IQCK: variants seen among roughly 807,000 people sequenced by gnomAD.
The protein encoded by IQCK is IQ domain-containing protein K.
IQCK carries 29 observed loss-of-function variants against 28.1 expected under a neutral mutation model. The observed-to-expected ratio is 1.03, with a 90% CI of 0.77 to 1.41. The LOEUF (loss-of-function observed/expected upper bound fraction) is 1.41, where lower values mean the gene tolerates loss of function less well. Ranked by LOEUF, IQCK falls within the 40% of genes most tolerant of loss-of-function variation. IQCK has a pLI of 0.00. For missense variants in IQCK, 359 were observed against 314.7 expected (o/e 1.14, Z -1.07); for synonymous variants, 113 against 115.1 (o/e 0.98, Z 0.12).
At chr16:19,749,778 A>G (rs7359363) in intron 4 of IQCK, among the ~76,000 whole-genome samples, 4,607 of 152,086 alleles carry the variant, frequency 0.03, 214 homozygotes, top group African/African-American at 0.1. Flanking sequence ...AAGGAAAAAA[A>G]AAAAAGAAAA....
chr16:19,815,595 C>T (rs113554632), intron 7 of IQCK, among the ~76,000 whole-genome samples: 8,323 of 152,158 alleles, frequency 0.055, 705 homozygotes, highest in African/African-American at 0.18. Flanking sequence ...CCCTTGAGCC[C>T]GGGAGTTTCA....
intron 7 of IQCK, among the ~76,000 whole-genome samples, chr16:19,818,065 A>G (rs777239072): frequency 5.3e-5 from 8 of 152,144 alleles, no homozygotes; most frequent in Non-Finnish European, 7.4e-5. Context: ...AGCCTGTGGG[A>G]AAGTTGGGGT....
intron 2 of IQCK, among the ~76,000 whole-genome samples, chr16:19,732,272 T>C (rs908457742): frequency 2.0e-5 from 3 of 152,216 alleles, no homozygotes; most frequent in African/African-American, 7.2e-5. Context: ...CACTGAAAAT[T>C]AACCATCACA....
chr16:19,742,850 A>G (rs1373010670), intron 4 of IQCK, among the ~76,000 whole-genome samples: 3 of 152,170 alleles, frequency 2.0e-5, no homozygotes, highest in African/African-American at 7.2e-5. Context: ...TATTTATTGG[A>G]TAAATGAATG....
At chr16:19,769,736 T>G (rs561306485) in intron 6 of IQCK, among the ~76,000 whole-genome samples, 7 of 152,224 alleles carry the variant, frequency 4.6e-5, no homozygotes, top group Non-Finnish European at 8.8e-5. Context: ...TAGGCTGTTT[T>G]GGAAAGATAA....
intron 4 of IQCK, among the ~76,000 whole-genome samples, chr16:19,744,346 G>A (rs113955161): frequency 3.4e-4 from 51 of 152,016 alleles, no homozygotes; most frequent in African/African-American, 1.2e-3. Flanking sequence ...GCCCAGGCTG[G>A]TCTCAAACTC....
intron 4 of IQCK, among the ~76,000 whole-genome samples, chr16:19,751,975 A>G (rs934949565): frequency 1.3e-5 from 2 of 152,200 alleles, no homozygotes; most frequent in Non-Finnish European, 2.9e-5. Flanking sequence ...CAGGAAATCA[A>G]CTGTGCAATT....
At chr16:19,819,185 A>G (rs1021892156) in intron 7 of IQCK, among the ~76,000 whole-genome samples, 2 of 152,074 alleles carry the variant, frequency 1.3e-5, no homozygotes, top group Admixed American at 1.3e-4. Flanking sequence ...TTTGCTACTT[A>G]TTCTTTTGTT....
chr16:19,841,242 C>G (rs1330442656), intron 9 of IQCK, among the ~76,000 whole-genome samples: 1 of 152,142 alleles, frequency 6.6e-6, no homozygotes, highest in Non-Finnish European at 1.5e-5. Flanking sequence ...GCTACGAAAC[C>G]TTTTCAAAAA....
rs530312170 is a variant in IQCK, at chr16:19,764,890, G to A, written c.605+778G>A. Reference sequence around the variant, plus strand: ...TTTTTTTTGTATTTTTATTAGAGACGGGGTTTCACCGTGTTGGCCGGGATG... The same window carrying A: ...TTTTTTTTGTATTTTTATTAGAGACAGGGTTTCACCGTGTTGGCCGGGATG... On this transcript the variant is annotated intron_variant, in intron 6 of 7. Transcript: ENST00000564186. 1.9e-3 allele frequency among the ~76,000 whole-genome samples: 263 copies of A among 138,980 alleles called. 4 individuals are homozygous for A. The highest frequency in any genetic ancestry group is 6.8e-3 in the African/African-American group (253 of 37,450). 91.2% of individuals were successfully genotyped at this position (138,980 alleles called of 152,430 possible).
At chr16:19,747,547 T>C (rs1023247724) in intron 4 of IQCK, among the ~76,000 whole-genome samples, 4 of 151,856 alleles carry the variant, frequency 2.6e-5, no homozygotes, top group Non-Finnish European at 4.4e-5. Flanking sequence ...ATTACATGCA[T>C]AGATTGCACA....
At chr16:19,840,305 A>C (rs894413338) in intron 9 of IQCK, among the ~76,000 whole-genome samples, 1 of 152,066 alleles carries the variant, frequency 6.6e-6, no homozygotes, top group Non-Finnish European at 1.5e-5. Flanking sequence ...GCAGTGAGCC[A>C]AGATCGCACC....
rs538704095 is a variant in IQCK, at chr16:19,819,971, G to A, written c.691-7055G>A. Among the ~76,000 whole-genome samples the A allele has an allele frequency of 1.6e-4, 24 of 152,032 alleles. No individual in the cohort carries two copies. In the East Asian group the frequency reaches 1.9e-3, roughly 12 times the overall value. On this transcript the variant is annotated intron_variant, in intron 7 of 7. Coordinates refer to ENST00000564186, the Ensembl canonical transcript of IQCK. The stretch of plus-strand genomic sequence containing the variant: ...GTCAATTGATTTTTGATAAGGGTGC[G>A]AAGACCATTCAGTGGGACAAAGAAT...
downstream of IQCK, among the ~76,000 whole-genome samples, chr16:19,828,977 A>T (rs1440689029): frequency 1.4e-5 from 2 of 143,914 alleles, no homozygotes; most frequent in Non-Finnish European, 3.0e-5. Flanking sequence ...TAAATATATA[A>T]TTATATATAT....
chr16:19,829,370 T>A (rs2056200143), downstream of IQCK, among the ~76,000 whole-genome samples: 1 of 150,538 alleles, frequency 6.6e-6, no homozygotes, highest in African/African-American at 2.4e-5. Context: ...AGAGTCTCGC[T>A]CTGTCACCCA....
At position 19,798,374 on chromosome 16, in the gene IQCK, T is replaced by C. The variant is rs1597568900; in HGVS notation, c.690+9452T>C. Among the ~76,000 whole-genome samples the C allele has an allele frequency of 2.5e-5, 3 of 120,056 alleles. No individual in the cohort carries two copies. In the South Asian group the frequency reaches 7.1e-4, roughly 28 times the overall value. 78.8% of individuals were successfully genotyped at this position (120,056 alleles called of 152,430 possible). ...AGGAAGTTTCAGTGAGCCGAGATCA[T>C]GCCATTGCACTCCAGCCTGGCGACA... is the stretch of plus-strand genomic sequence containing the variant. On this transcript the variant is annotated intron_variant, in intron 7 of 7. Coordinates refer to ENST00000564186, the Ensembl canonical transcript of IQCK.
intron 4 of IQCK, among the ~76,000 whole-genome samples, chr16:19,753,263 T>A (rs80051405): frequency 0.055 from 8,185 of 148,312 alleles, 679 homozygotes; most frequent in African/African-American, 0.19. Flanking sequence ...AAAAAAAAAA[T>A]TTTTGAAAAT....
At chr16:19,725,600 G>A (rs1218433201) in intron 1 of IQCK, among the ~76,000 whole-genome samples, 1 of 152,112 alleles carries the variant, frequency 6.6e-6, no homozygotes, top group Non-Finnish European at 1.5e-5. Flanking sequence ...ATTAAACTAT[G>A]GTAAATCAAG....
At chr16:19,855,937 G>T (rs1212852477) in intron 9 of IQCK, among the ~76,000 whole-genome samples, 2 of 152,170 alleles carry the variant, frequency 1.3e-5, no homozygotes, top group African/African-American at 4.8e-5. Context: ...GCTTTTATCT[G>T]TTGGGATTAA....
Sources: allele counts gnomAD v4.1 joint callset (sites outside exome capture counted in the v4.1 genomes callset), GRCh38; gene constraint gnomAD v4.1.1; transcripts MANE v1.5; gene names NCBI Gene and HGNC (gene_info 2026-07-23, HGNC 2026-07-21).